The following CAMTA1 variants were observed in gnomAD, a reference collection of about 807,000 sequenced individuals.
CAMTA1 encodes the protein calmodulin binding transcription activator 1.
A neutral mutation model predicts 170.9 loss-of-function variants in CAMTA1; 27 were observed. The observed-to-expected ratio is 0.16, with a 90% CI of 0.12 to 0.22. The LOEUF is 0.22. CAMTA1 is among the 10% of genes least tolerant of loss of function. CAMTA1 has a pLI of 1.00. For missense variants in CAMTA1, 1,619 were observed against 2,217.2 expected, an observed-to-expected ratio of 0.73 and a Z score of 5.42; for synonymous variants, 833 against 891.5, an observed-to-expected ratio of 0.93 and a Z score of 1.17.
intron 5 of CAMTA1, among the ~76,000 whole-genome samples, chr1:7,427,391 C>T (rs1372777533): frequency 2.0e-5 from 3 of 152,216 alleles, no homozygotes; most frequent in East Asian, 1.9e-4. Context: ...AGTATTTCTA[C>T]GGCAATGGGT....
At chr1:7,705,774 G>C (rs1397818132) in intron 11 of CAMTA1, among the ~76,000 whole-genome samples, 1 of 152,186 alleles carries the variant, frequency 6.6e-6, no homozygotes, top group African/African-American at 2.4e-5. Flanking sequence ...CAGGGGAGCG[G>C]AGGGACGCTC....
At chr1:7,312,982 T>G (rs1676965411) in intron 5 of CAMTA1, among the ~76,000 whole-genome samples, 1 of 152,212 alleles carries the variant, frequency 6.6e-6, no homozygotes, top group Non-Finnish European at 1.5e-5. Context: ...TATTTCTATC[T>G]CGTTACTCCT....
Position 7,077,977 on chromosome 1 carries a change from G to A in CAMTA1, c.235-13327G>A, listed in dbSNP as rs1160221889. 2.7e-5 allele frequency among the ~76,000 whole-genome samples: 4 copies of A among 150,328 alleles called. No individual in the cohort carries two copies. The East Asian group carries it at 7.9e-4, about 30-fold the overall frequency. On this transcript the variant is annotated intron_variant, in intron 3 of 22. Coordinates refer to ENST00000303635, the MANE Select transcript of CAMTA1 (RefSeq NM_015215.4). Reference sequence around the variant, plus strand: ...TGTGGGTGGGGTTATTTATGGGTGGGAAGAGCTTGCGTGCACACACACACA... The same window carrying A: ...TGTGGGTGGGGTTATTTATGGGTGGAAAGAGCTTGCGTGCACACACACACA...
intron 5 of CAMTA1, among the ~76,000 whole-genome samples, chr1:7,396,000 T>C (rs1210259731): frequency 2.0e-5 from 3 of 152,202 alleles, no homozygotes; most frequent in Non-Finnish European, 4.4e-5. Context: ...TAAGATCATG[T>C]CATCTGCAAA....
chr1:6,890,170 T>G (rs1256698298), intron 3 of CAMTA1, among the ~76,000 whole-genome samples: 1 of 152,190 alleles, frequency 6.6e-6, no homozygotes, highest in Non-Finnish European at 1.5e-5. Context: ...CCCTGTAATT[T>G]CATATTTTTT....
At chr1:7,412,173 G>T (rs536914357) in intron 5 of CAMTA1, among the ~76,000 whole-genome samples, 2 of 152,214 alleles carry the variant, frequency 1.3e-5, no homozygotes, top group South Asian at 4.1e-4. Context: ...GGACATTTGG[G>T]TTGGTTCCAA....
At chr1:7,637,220 G>A (rs1030339732) in intron 6 of CAMTA1, among the ~76,000 whole-genome samples, 3 of 152,216 alleles carry the variant, frequency 2.0e-5, no homozygotes, top group African/African-American at 7.2e-5. Flanking sequence ...GCTGGCCCAG[G>A]CTGTGCCCAG....
chr1:7,631,198 G>A (rs1164194249), intron 6 of CAMTA1, among the ~76,000 whole-genome samples: 1 of 152,120 alleles, frequency 6.6e-6, no homozygotes, highest in Admixed American at 6.5e-5. Flanking sequence ...CCACATCCTT[G>A]GTCCTCCCAG....
At chr1:7,109,930 C>T (rs1643909957) in intron 4 of CAMTA1, among the ~76,000 whole-genome samples, 1 of 152,166 alleles carries the variant, frequency 6.6e-6, no homozygotes, top group Admixed American at 6.5e-5. Context: ...GTGGGCTTAG[C>T]CCCACATCTT....
chr1:7,042,989 A>AC (rs1250331203), intron 3 of CAMTA1, among the ~76,000 whole-genome samples: 3 of 152,024 alleles, frequency 2.0e-5, no homozygotes, highest in African/African-American at 4.8e-5. Flanking sequence ...AAATCAACCA[A>AC]ACCACCCCCC....
At position 7,010,893 on chromosome 1, in the gene CAMTA1, GC is replaced by G; in HGVS notation, c.235-80408del. 6.6e-6 allele frequency among the ~76,000 whole-genome samples: 1 copy of G among 152,326 alleles called. No individual in the cohort carries two copies. Among genetic ancestry groups the G allele is most frequent in the African/African-American group, 2.4e-5 (1 of 41,574 alleles). ...TCAGGCACCTGGGACCTAAGCAGGT[GC>G]CCTAACCAGCAGCAGCTGAGCACTG... On this transcript the variant is annotated intron_variant, in intron 3 of 22. Transcript: ENST00000303635. The surrounding 1 kb of genome is among the most constrained non-coding windows in gnomAD (Gnocchi z 4.4).
At chr1:6,855,133 A>G (rs938144966) in intron 3 of CAMTA1, among the ~76,000 whole-genome samples, 2 of 152,190 alleles carry the variant, frequency 1.3e-5, no homozygotes, top group African/African-American at 4.8e-5. Context: ...ATTATAAATA[A>G]TAAGCTAGGT....
intron 11 of CAMTA1, among the ~76,000 whole-genome samples, chr1:7,710,321 C>T (rs963309689): frequency 7.2e-5 from 11 of 152,020 alleles, no homozygotes; most frequent in South Asian, 2.1e-4. Context: ...GGAACTTGGC[C>T]GTGTGTTGGC....
chr1:7,664,236 C>A lies in CAMTA1; in HGVS notation c.1689C>A (p.Thr563=). Residue 563 remains threonine (T), a synonymous_variant, in exon 9 of 23, where the codon ACC becomes ACA. Transcript: ENST00000303635. ...AAVAASSLTL[T]AGSSLLPSGG... Reference sequence around the variant, plus strand: ...TGGCAGCCAGCTCCCTCACCCTGACCGCCGGCTCCAGCCTCCTGCCGTCGG... The same window carrying A: ...TGGCAGCCAGCTCCCTCACCCTGACAGCCGGCTCCAGCCTCCTGCCGTCGG... 1 of 1,612,700 alleles carries A rather than the reference C, an allele frequency of 6.2e-7. No homozygotes were observed. Among genetic ancestry groups the A allele is most frequent in the Non-Finnish European group, 8.5e-7 (1 of 1,179,978 alleles).
chr1:6,977,748 A>T (rs1403703758), intron 3 of CAMTA1, among the ~76,000 whole-genome samples: 1 of 152,170 alleles, frequency 6.6e-6, no homozygotes, highest in Non-Finnish European at 1.5e-5. Flanking sequence ...AGGTTTAGAG[A>T]GATTGAGTGC....
chr1:6,963,698 G>T (rs1690973389), intron 3 of CAMTA1, among the ~76,000 whole-genome samples: 1 of 152,192 alleles, frequency 6.6e-6, no homozygotes, highest in Admixed American at 6.5e-5. Context: ...CTGGTGGGGC[G>T]GGCTGCTGAC....
chr1:6,899,080 G>C (rs1676293151), intron 3 of CAMTA1, among the ~76,000 whole-genome samples: 1 of 152,110 alleles, frequency 6.6e-6, no homozygotes, highest in African/African-American at 2.4e-5. Context: ...GGTGGGGAGG[G>C]TTTGCTGCCA....
At chr1:7,656,441 C>G (rs547351405) in intron 7 of CAMTA1, among the ~76,000 whole-genome samples, 5 of 152,362 alleles carry the variant, frequency 3.3e-5, no homozygotes, top group African/African-American at 1.2e-4. Context: ...GGGATAGGGT[C>G]CCACCCATGT....
In CAMTA1 at chr1:7,333,375, G is replaced by A. The variant is rs191704723; in HGVS notation, c.438+83749G>A. On this transcript the variant is annotated intron_variant, in intron 5 of 22. Coordinates refer to ENST00000303635, the MANE Select transcript of CAMTA1 (RefSeq NM_015215.4). This position sits in a 1 kb window ranked among gnomAD's most constrained non-coding sequence, Gnocchi z 4.4. ...AGTCGGATCTGACACGGGACCCCAC[G>A]CTGCAGAGTGATGATCGCATAGGCA... 1.4e-3 allele frequency among the ~76,000 whole-genome samples: 212 copies of A among 152,290 alleles called. 1 individual carries two copies. The highest frequency in any genetic ancestry group is 4.8e-3 in the African/African-American group (198 of 41,552).
Sources: allele counts gnomAD v4.1 joint callset (sites outside exome capture counted in the v4.1 genomes callset), GRCh38; gene constraint gnomAD v4.1.1; non-coding constraint Gnocchi (gnomAD v3.1); transcripts MANE v1.5; gene names NCBI Gene and HGNC (gene_info 2026-07-23, HGNC 2026-07-21).